CCDC63: variants seen among roughly 807,000 people sequenced by gnomAD.
CCDC63 encodes coiled-coil domain-containing protein 63.
Under a neutral mutation model 63.6 loss-of-function variants are expected in CCDC63, and 54 were observed. The observed-to-expected ratio is 0.85, with a 90% confidence interval of 0.68 to 1.07. CCDC63 has a LOEUF of 1.07. Ranked by LOEUF, CCDC63 falls within the 50% of genes least tolerant of loss-of-function variation. The pLI, the probability that CCDC63 is intolerant of heterozygous loss-of-function variation, is 0.00. For synonymous variants in CCDC63, 253 were observed against 266.1 expected (o/e 0.95, Z 0.48); for missense variants, 637 against 689.6 (o/e 0.92, Z 0.86).
At chr12:110,868,654 G>A (rs950324669) in intron 4 of CCDC63, among the ~76,000 whole-genome samples, 10 of 150,752 alleles carry the variant, frequency 6.6e-5, no homozygotes, top group Middle Eastern at 3.4e-3. Flanking sequence ...AGGTTGCAGT[G>A]AGCCGAGATG....
intron 6 of CCDC63, 39 bp from the exon 7 acceptor site, chr12:110,881,076 G>A: frequency 8.4e-6 from 13 of 1,543,502 alleles, no homozygotes; most frequent in Non-Finnish European, 9.6e-6. Context: ...TAGAGAGGAG[G>A]AGCCTCAGAT....
At position 110,889,624 on chromosome 12, in the gene CCDC63, G is replaced by A. The variant is rs1474535993; in HGVS notation, c.1075-3452G>A. 6.6e-6 allele frequency among the ~76,000 whole-genome samples: 1 copy of A among 152,172 alleles called. No homozygotes were observed. The highest frequency in any genetic ancestry group is 1.5e-5 in the Non-Finnish European group (1 of 68,032). On this transcript the variant is annotated intron_variant, in intron 8 of 11. Transcript: ENST00000308208. The surrounding 1 kb of genome is among the most constrained non-coding windows in gnomAD (Gnocchi z 4.1). ...GGGAGAGGGGATGAATCTGGGAGGT[G>A]AGGGCTGCTGGGCACATTTCCAGAA... is the stretch of plus-strand genomic sequence containing the variant.
At chr12:110,853,787 G>A (rs1421839150) in intron 3 of CCDC63, among the ~76,000 whole-genome samples, 1 of 152,174 alleles carries the variant, frequency 6.6e-6, no homozygotes, top group African/African-American at 2.4e-5. Flanking sequence ...TTGTCAGAAT[G>A]CAGGGTGTTT....
intron 8 of CCDC63, among the ~76,000 whole-genome samples, chr12:110,891,157 C>T (rs1285358233): frequency 3.3e-5 from 5 of 151,924 alleles, no homozygotes; most frequent in Admixed American, 1.3e-4. Flanking sequence ...TAAAAATGCA[C>T]ATTCCAGGCT....
rs1316242643 is a variant in CCDC63 at position 110,884,190 on chromosome 12, G to A, written c.1014G>A (p.Thr338=). 1.1e-5 allele frequency: 18 copies of A among 1,614,014 alleles called. No homozygotes were observed. Among genetic ancestry groups the A allele is most frequent in the Middle Eastern group, 1.6e-4 (1 of 6,084 alleles). Residue 338 remains threonine, a synonymous_variant, in exon 8 of 12, where the codon ACG becomes ACA. Transcript: ENST00000308208. ...AKEEKNFARF[T]YVTELNNDME... is the part of the protein sequence containing the mutation. Reference sequence around the variant, plus strand: ...AGGAGAAGAATTTTGCTCGGTTCACGTATGTCACGGAGCTCAACAACGACA... The same window carrying A: ...AGGAGAAGAATTTTGCTCGGTTCACATATGTCACGGAGCTCAACAACGACA...
chr12:110,880,791 A>AGGGTGATAATGG, intron 6 of CCDC63, among the ~76,000 whole-genome samples: 1 of 6,950 alleles, frequency 1.4e-4, no homozygotes, highest in Non-Finnish European at 3.0e-4. Context: ...GGTGGTGATG[A>AGGGTGATAATGG]TGATGGTGAC....
Position 110,856,849 on chromosome 12 carries a change from T to C in CCDC63, c.180-1737T>C, listed in dbSNP as rs982142235. 2.4e-4 allele frequency among the ~76,000 whole-genome samples: 35 copies of C among 147,722 alleles called. No homozygotes were observed. In the South Asian group the frequency reaches 3.0e-3, roughly 12 times the overall value. On this transcript the variant is annotated intron_variant, in intron 3 of 11. Coordinates refer to ENST00000308208, the MANE Select transcript of CCDC63 (RefSeq NM_152591.3). Reference sequence around the variant, plus strand: ...AGGACATTTTCCTTTCCTTTCTTTTTTTTTTTTTTTTTTTTGAGACAGGGT... The same window carrying C: ...AGGACATTTTCCTTTCCTTTCTTTTCTTTTTTTTTTTTTTTGAGACAGGGT...
Position 110,884,046 on chromosome 12 carries a change from G to A in CCDC63, c.870G>A (p.Lys290=). 1 of 1,613,906 alleles carries A rather than the reference G, an allele frequency of 6.2e-7. No individual in the cohort carries two copies. The highest frequency in any genetic ancestry group is 8.5e-7 in the Non-Finnish European group (1 of 1,179,826). The change falls in exon 8 of 12, where the codon AAG becomes AAA. Residue 290 remains lysine, a synonymous_variant. Transcript: ENST00000308208. ...AKREEALKAK[K]HVKKNRGESF... is the part of the protein sequence containing the mutation. ...CTTTCCTAGCTCTCAAGGCAAAGAA[G>A]CATGTCAAGAAGAACAGGGGAGAGA...
chr12:110,902,426 C>G (rs188981946), intron 10 of CCDC63, among the ~76,000 whole-genome samples: 1 of 152,206 alleles, frequency 6.6e-6, no homozygotes, highest in African/African-American at 2.4e-5. Flanking sequence ...GCCCCTGCAT[C>G]TTGTTCCTAC....
chr12:110,851,290 A>C (rs1279906586), intron 1 of CCDC63, among the ~76,000 whole-genome samples: 2 of 152,178 alleles, frequency 1.3e-5, no homozygotes, highest in South Asian at 2.1e-4. Context: ...CTCAAGATTC[A>C]GTCTGTCTTC....
At chr12:110,867,976 G>A (rs1299407464) in intron 4 of CCDC63, among the ~76,000 whole-genome samples, 4 of 147,480 alleles carry the variant, frequency 2.7e-5, no homozygotes, top group Admixed American at 6.7e-5. Context: ...CTTCTCAGAC[G>A]GGGCGGTTGC....
intron 5 of CCDC63, among the ~76,000 whole-genome samples, chr12:110,876,776 A>G (rs745817981): frequency 6.6e-5 from 10 of 151,844 alleles, no homozygotes; most frequent in African/African-American, 1.7e-4. Flanking sequence ...GCTCACATCT[A>G]TAATCCAAGC....
intron 4 of CCDC63, among the ~76,000 whole-genome samples, chr12:110,862,762 T>C (rs1229016851): frequency 1.3e-5 from 2 of 151,702 alleles, no homozygotes; most frequent in Non-Finnish European, 2.9e-5. Context: ...TTTTCTTTTT[T>C]TTTTTCTTTT....
chr12:110,874,005 C>T lies in CCDC63; in HGVS notation c.489+44C>T, dbSNP rs375369752. The T allele has an allele frequency of 1.1e-4, 170 of 1,572,188 alleles. 1 individual carries two copies. The highest frequency in any genetic ancestry group is 1.3e-4 in the Non-Finnish European group (152 of 1,158,154). On this transcript the variant is annotated intron_variant, in intron 5 of 11. Coordinates refer to ENST00000308208, the MANE Select transcript of CCDC63 (RefSeq NM_152591.3). ...GCAGCTCTGCAAACAGCTCTGCCCA[C>T]GTTTGCTCAGAACAAAAATGATGTC...
At chr12:110,879,094 T>A (rs532499771) in intron 5 of CCDC63, among the ~76,000 whole-genome samples, 3 of 152,314 alleles carry the variant, frequency 2.0e-5, no homozygotes, top group Non-Finnish European at 2.9e-5. Context: ...ATTTTAAAAT[T>A]AAACTTTTTC....
chr12:110,881,419 A>T, intron 7 of CCDC63, 123 bp downstream of exon 7: 1 of 997,770 alleles, frequency 1.0e-6, no homozygotes, highest in Non-Finnish European at 1.5e-6. Context: ...GCAAATAAAG[A>T]TATAAGATGC....
intron 5 of CCDC63, among the ~76,000 whole-genome samples, chr12:110,878,884 A>T (rs964966919): frequency 6.6e-6 from 1 of 152,044 alleles, no homozygotes; most frequent in African/African-American, 2.4e-5. Flanking sequence ...CATCGCCTTT[A>T]AAAAACAACT....
At chr12:110,901,398 TA>T (rs1405659687) in intron 10 of CCDC63, among the ~76,000 whole-genome samples, 1 of 152,060 alleles carries the variant, frequency 6.6e-6, no homozygotes, top group Non-Finnish European at 1.5e-5. Flanking sequence ...TATTTATTTT[TA>T]TTTTTTTTTG....
chr12:110,867,341 G>A (rs1204620219), intron 4 of CCDC63, among the ~76,000 whole-genome samples: 2 of 115,508 alleles, frequency 1.7e-5, no homozygotes, highest in African/African-American at 3.5e-5. Flanking sequence ...GCGGCTGGCC[G>A]GGTGGAGGGC....
Sources: allele counts gnomAD v4.1 joint callset (sites outside exome capture counted in the v4.1 genomes callset), GRCh38; gene constraint gnomAD v4.1.1; non-coding constraint Gnocchi (gnomAD v3.1); transcripts MANE v1.5; gene names NCBI Gene and HGNC (gene_info 2026-07-23, HGNC 2026-07-21).